The following ARFIP1 variants were observed in gnomAD, a reference collection of about 807,000 sequenced individuals.
ARFIP1 encodes the protein ARF interacting protein 1, also known as arfaptin-1.
In ARFIP1, 24 loss-of-function variants were observed where a neutral mutation model predicts 42.5. That is an observed-to-expected ratio of 0.57 (90% confidence interval 0.41 to 0.80). ARFIP1 has a LOEUF of 0.80. Ranked by LOEUF, ARFIP1 falls within the 30% of genes least tolerant of loss-of-function variation. The pLI is 0.00. For missense variants in ARFIP1, 354 were observed against 434.0 expected (o/e 0.82, Z 1.64); for synonymous variants, 141 against 153.7 (o/e 0.92, Z 0.61).
At chr4:152,797,186 A>G (rs534738910) in intron 1 of ARFIP1, among the ~76,000 whole-genome samples, 41 of 152,324 alleles carry the variant, frequency 2.7e-4, no homozygotes, top group African/African-American at 9.6e-4. Context: ...TATATTTTCC[A>G]GATGGATACC....
At chr4:152,876,398 C>G (rs192128896) in intron 5 of ARFIP1, among the ~76,000 whole-genome samples, 75 of 152,270 alleles carry the variant, frequency 4.9e-4, no homozygotes, top group African/African-American at 1.7e-3. Flanking sequence ...TTGCCCCTAC[C>G]CTAGAGATTT....
chr4:152,907,001 A>G (rs887762440), intron 8 of ARFIP1, among the ~76,000 whole-genome samples: 5 of 152,222 alleles, frequency 3.3e-5, no homozygotes, highest in African/African-American at 1.2e-4. Flanking sequence ...ACTCTCACCC[A>G]GACATACATC....
intron 1 of ARFIP1, among the ~76,000 whole-genome samples, chr4:152,825,353 G>A (rs1730748413): frequency 6.6e-6 from 1 of 152,058 alleles, no homozygotes; most frequent in African/African-American, 2.4e-5. Flanking sequence ...ATAAAAGTAG[G>A]TACTTAGAAT....
In ARFIP1 at chr4:152,788,348, G is replaced by A. The variant is rs117522981; in HGVS notation, c.-10+8122G>A. Among the ~76,000 whole-genome samples, 436 of 152,258 alleles carry A rather than the reference G, an allele frequency of 2.9e-3. 18 individuals are homozygous for A. In the East Asian group the frequency reaches 0.078, roughly 27 times the overall value. On this transcript the variant is annotated intron_variant, in intron 1 of 8. Coordinates refer to ENST00000353617, the MANE Select transcript of ARFIP1 (RefSeq NM_001025595.3). Reference sequence around the variant, plus strand: ...ATGGTTTTAGTTTTACAGAATTACTGTGAAGATAGAATAGAGCTTCCCATA... The same window carrying A: ...ATGGTTTTAGTTTTACAGAATTACTATGAAGATAGAATAGAGCTTCCCATA...
At chr4:152,857,999 GTAAA>G (rs1454536433) in intron 2 of ARFIP1, among the ~76,000 whole-genome samples, 4 of 152,118 alleles carry the variant, frequency 2.6e-5, no homozygotes, top group African/African-American at 9.7e-5. Flanking sequence ...CAATACATAA[GTAAA>G]TAAATAAGCC....
chr4:152,900,112 G>A (rs1318658699), intron 8 of ARFIP1, among the ~76,000 whole-genome samples: 1 of 151,252 alleles, frequency 6.6e-6, no homozygotes, highest in East Asian at 2.0e-4. Context: ...GGAGCTCTTG[G>A]AAGGAAGGAA....
At chr4:152,851,758 T>C (rs1578933213) in intron 2 of ARFIP1, among the ~76,000 whole-genome samples, 1 of 152,356 alleles carries the variant, frequency 6.6e-6, no homozygotes, top group East Asian at 1.9e-4. Context: ...ATATATATTT[T>C]AAAACAAATT....
chr4:152,786,463 C>G (rs1353057394), intron 1 of ARFIP1, among the ~76,000 whole-genome samples: 2 of 152,160 alleles, frequency 1.3e-5, no homozygotes, highest in Non-Finnish European at 2.9e-5. Flanking sequence ...CCTGATAGAT[C>G]CAATGATTGA....
At chr4:152,847,441 T>G (rs1732649021) in intron 2 of ARFIP1, among the ~76,000 whole-genome samples, 1 of 152,030 alleles carries the variant, frequency 6.6e-6, no homozygotes, top group African/African-American at 2.4e-5. Context: ...TGTCTTCTTT[T>G]TATTAAGATG....
intron 2 of ARFIP1, among the ~76,000 whole-genome samples, chr4:152,851,489 A>G (rs74873409): frequency 1.3e-5 from 2 of 152,224 alleles, no homozygotes; most frequent in Non-Finnish European, 2.9e-5. Flanking sequence ...TGTGTGAGAA[A>G]TGAGGCTAGA....
intron 1 of ARFIP1, among the ~76,000 whole-genome samples, chr4:152,826,287 A>G (rs945550223): frequency 1.3e-5 from 2 of 152,210 alleles, no homozygotes; most frequent in Non-Finnish European, 2.9e-5. Context: ...ACTACTTAAC[A>G]AAAAAGAATG....
intron 8 of ARFIP1, among the ~76,000 whole-genome samples, chr4:152,909,424 A>G (rs950680324): frequency 6.6e-6 from 1 of 152,172 alleles, no homozygotes; most frequent in Non-Finnish European, 1.5e-5. Flanking sequence ...ACCTCAGGAA[A>G]CAGTTTATAA....
At chr4:152,781,534 G>T (rs1031344207) in intron 1 of ARFIP1, among the ~76,000 whole-genome samples, 21 of 152,290 alleles carry the variant, frequency 1.4e-4, no homozygotes, top group Admixed American at 1.4e-3. Context: ...ACCGCGCCCG[G>T]CCGAATTGGC....
rs186855388 is a variant in ARFIP1, at chr4:152,879,065, G to T, written c.412-1898G>T. On this transcript the variant is annotated intron_variant, in intron 5 of 8. Coordinates refer to ENST00000353617, the MANE Select transcript of ARFIP1 (RefSeq NM_001025595.3). Reference sequence around the variant, plus strand: ...TTCTCTTGTGATTTTCATTTTCTAGGAGTGTTTGTACGTTTTCCACAGTAA... The same window carrying T: ...TTCTCTTGTGATTTTCATTTTCTAGTAGTGTTTGTACGTTTTCCACAGTAA... 7.5e-4 allele frequency among the ~76,000 whole-genome samples: 114 copies of T among 152,136 alleles called. 1 individual carries two copies. In the East Asian group the frequency reaches 0.019, roughly 26 times the overall value.
chr4:152,868,882 A>G (rs1306341026), intron 3 of ARFIP1, among the ~76,000 whole-genome samples: 1 of 152,200 alleles, frequency 6.6e-6, no homozygotes, highest in Non-Finnish European at 1.5e-5. Context: ...TAATGGAGAT[A>G]TTATGGTGTT....
chr4:152,786,305 G>T (rs536017926), intron 1 of ARFIP1, among the ~76,000 whole-genome samples: 1 of 152,140 alleles, frequency 6.6e-6, no homozygotes, highest in Non-Finnish European at 1.5e-5. Flanking sequence ...CTCAAATCCA[G>T]TATGTCTAAA....
At chr4:152,810,772 C>T (rs749230867) in intron 1 of ARFIP1, among the ~76,000 whole-genome samples, 4 of 152,044 alleles carry the variant, frequency 2.6e-5, no homozygotes, top group Non-Finnish European at 4.4e-5. Flanking sequence ...GCCAACATCA[C>T]GCCACCGCAC....
intron 5 of ARFIP1, among the ~76,000 whole-genome samples, chr4:152,879,451 G>GA (rs1445220466): frequency 6.6e-6 from 1 of 152,116 alleles, no homozygotes; most frequent in African/African-American, 2.4e-5. Flanking sequence ...GTGATTAAAG[G>GA]AAGAGGAAAT....
intron 3 of ARFIP1, among the ~76,000 whole-genome samples, chr4:152,866,944 C>G (rs573693747): frequency 2.1e-4 from 32 of 150,886 alleles, no homozygotes; most frequent in Non-Finnish European, 4.0e-4. Flanking sequence ...GGATGGCGGC[C>G]GGGAAGAGGC....
Sources: allele counts gnomAD v4.1 joint callset (sites outside exome capture counted in the v4.1 genomes callset), GRCh38; gene constraint gnomAD v4.1.1; transcripts MANE v1.5; gene names NCBI Gene and HGNC (gene_info 2026-07-23, HGNC 2026-07-21).